Variants in MALRD1 observed in about 807,000 individuals in gnomAD.
MALRD1 encodes MAM and LDL receptor class A domain containing 1.
In MALRD1, 247 loss-of-function variants were observed where a neutral mutation model predicts 242.1. The observed-to-expected ratio is 1.02, with a 90% CI of 0.92 to 1.13. MALRD1 has a LOEUF of 1.13. MALRD1 is among the 50% of genes most tolerant of loss of function. The probability of loss-of-function intolerance (pLI) is 0.00; values close to 1 mark genes in which losing one functional copy is unlikely to be tolerated. For missense variants in MALRD1, 2,989 were observed against 2,533.1 expected, an observed-to-expected ratio of 1.18 and a Z score of -3.86; for synonymous variants, 995 against 866.6, an observed-to-expected ratio of 1.15 and a Z score of -2.60.
chr10:19,382,961 G>A (rs1845901164), intron 26 of MALRD1, among the ~76,000 whole-genome samples: 1 of 152,018 alleles, frequency 6.6e-6, no homozygotes. Context: ...TTTATTAAAT[G>A]TTTTATGCAA....
At chr10:19,387,271 G>A (rs7897577) in intron 26 of MALRD1, among the ~76,000 whole-genome samples, 132,163 of 151,312 alleles carry the variant, frequency 0.87, 57,941 homozygotes, top group African/African-American at 0.92. Context: ...AGATGGAGGG[G>A]TACTTTCCTA....
chr10:19,612,582 C>A (rs1292826686), intron 35 of MALRD1, among the ~76,000 whole-genome samples: 1 of 151,708 alleles, frequency 6.6e-6, no homozygotes, highest in Non-Finnish European at 1.5e-5. Flanking sequence ...CATTCTCACA[C>A]TGCTATAAAG....
chr10:19,542,229 G>A (rs567960545), intron 32 of MALRD1, among the ~76,000 whole-genome samples: 1 of 151,898 alleles, frequency 6.6e-6, no homozygotes, highest in Non-Finnish European at 1.5e-5. Context: ...TGGAAGTCTC[G>A]GTCTGAAGCT....
intron 38 of MALRD1, among the ~76,000 whole-genome samples, chr10:19,698,543 T>A (rs1833476829): frequency 6.6e-6 from 1 of 152,148 alleles, no homozygotes; most frequent in Non-Finnish European, 1.5e-5. Context: ...TTTTGAATAG[T>A]GCGGTATCTT....
intron 1 of MALRD1, among the ~76,000 whole-genome samples, chr10:19,056,073 T>C (rs1834657416): frequency 6.6e-6 from 1 of 152,168 alleles, no homozygotes; most frequent in African/African-American, 2.4e-5. Flanking sequence ...TGCTGGTCTA[T>C]TTTTATGTTT....
At chr10:19,192,957 T>C (rs1411280312) in intron 14 of MALRD1, among the ~76,000 whole-genome samples, 1 of 152,208 alleles carries the variant, frequency 6.6e-6, no homozygotes. Flanking sequence ...TTTAACATTT[T>C]TCTCTCTGGC....
At chr10:19,299,881 G>A (rs1841869552) in intron 21 of MALRD1, among the ~76,000 whole-genome samples, 1 of 151,794 alleles carries the variant, frequency 6.6e-6, no homozygotes, top group Non-Finnish European at 1.5e-5. Flanking sequence ...AATCAATCAA[G>A]AGAAACAAAT....
intron 31 of MALRD1, among the ~76,000 whole-genome samples, chr10:19,530,437 T>TAATAATA (rs1564417562): frequency 2.3e-3 from 91 of 39,498 alleles, no homozygotes; most frequent in East Asian, 0.015. Flanking sequence ...ATAATATATA[T>TAATAATA]AATATATAAT....
At chr10:19,167,786 G>A (rs189339882) in intron 13 of MALRD1, among the ~76,000 whole-genome samples, 6 of 152,280 alleles carry the variant, frequency 3.9e-5, no homozygotes, top group Admixed American at 1.3e-4. Flanking sequence ...TAACTTCACA[G>A]TCAGATAAAT....
chr10:19,193,738 G>A (rs1413668109), intron 14 of MALRD1, among the ~76,000 whole-genome samples: 1 of 151,904 alleles, frequency 6.6e-6, no homozygotes, highest in Non-Finnish European at 1.5e-5. Context: ...CAAGCAACTT[G>A]AGTTTTAGCT....
chr10:19,644,070 T>G (rs1033464002), intron 36 of MALRD1, among the ~76,000 whole-genome samples: 1 of 152,222 alleles, frequency 6.6e-6, no homozygotes, highest in East Asian at 1.9e-4. Context: ...TGACCTAACA[T>G]ACTGCTCCAT....
chr10:19,354,940 C>T (rs1588957165), intron 26 of MALRD1, among the ~76,000 whole-genome samples: 1 of 151,964 alleles, frequency 6.6e-6, no homozygotes, highest in Admixed American at 6.6e-5. Flanking sequence ...AGCAGAAAAA[C>T]GTTTATGAGG....
intron 24 of MALRD1, among the ~76,000 whole-genome samples, chr10:19,335,192 G>GTTTTTTTTTTT (rs397828429): frequency 1.1e-4 from 15 of 137,312 alleles, no homozygotes; most frequent in South Asian, 2.3e-4. Context: ...GTTTTTTTTT[G>GTTTTTTTTTTT]TTTTTTTTTT....
chr10:19,531,879 T>C (rs192262033), intron 32 of MALRD1, among the ~76,000 whole-genome samples: 1 of 152,312 alleles, frequency 6.6e-6, no homozygotes, highest in East Asian at 1.9e-4. Flanking sequence ...TTTCATTGTA[T>C]CAATGAGTTT....
chr10:19,434,502 G>A (rs1318844725), intron 28 of MALRD1, among the ~76,000 whole-genome samples: 1 of 151,832 alleles, frequency 6.6e-6, no homozygotes, highest in South Asian at 2.1e-4. Context: ...ATTTCAAAAT[G>A]TTTGCAGTTT....
At chr10:19,724,675 T>C (rs761707780) in intron 38 of MALRD1, among the ~76,000 whole-genome samples, 4 of 152,364 alleles carry the variant, frequency 2.6e-5, no homozygotes, top group Middle Eastern at 3.4e-3. Flanking sequence ...AAGGAAGTTT[T>C]ATAGCCCCAC....
At chr10:19,374,231 C>A (rs1417969285) in intron 26 of MALRD1, among the ~76,000 whole-genome samples, 1 of 152,140 alleles carries the variant, frequency 6.6e-6, no homozygotes, top group Non-Finnish European at 1.5e-5. Context: ...ATGTAGAAAT[C>A]CATTTTCTTG....
chr10:19,285,088 T>C (rs1348726965), intron 21 of MALRD1, among the ~76,000 whole-genome samples: 1 of 133,518 alleles, frequency 7.5e-6, no homozygotes, highest in Non-Finnish European at 1.5e-5. Context: ...CGCCCACTTT[T>C]TGTTGGGGTT....
At chr10:19,634,438 T>G (rs1200320380) in intron 36 of MALRD1, among the ~76,000 whole-genome samples, 7 of 152,150 alleles carry the variant, frequency 4.6e-5, no homozygotes, top group Non-Finnish European at 1.0e-4. Flanking sequence ...GCCCATCACA[T>G]TATTGGTTTA....
Sources: allele counts gnomAD v4.1 joint callset (sites outside exome capture counted in the v4.1 genomes callset), GRCh38; gene constraint gnomAD v4.1.1; transcripts MANE v1.5; gene names NCBI Gene and HGNC (gene_info 2026-07-23, HGNC 2026-07-21).